The following NUBPL variants were observed in gnomAD, a reference collection of about 807,000 sequenced individuals.
The protein encoded by NUBPL is iron-sulfur cluster transfer protein NUBPL.
Under a neutral mutation model 45.7 loss-of-function variants are expected in NUBPL, and 31 were observed. The observed-to-expected ratio is 0.68, with a 90% CI of 0.51 to 0.92. The LOEUF is 0.92. Among genes scored for constraint, NUBPL ranks in the 40% least tolerant of loss-of-function variants. The pLI, the probability that NUBPL is intolerant of heterozygous loss-of-function variation, is 0.00. For synonymous variants in NUBPL, 144 were observed against 140.9 expected, an observed-to-expected ratio of 1.02 and a Z score of -0.15; for missense variants, 401 against 398.7, an observed-to-expected ratio of 1.01 and a Z score of -0.05.
In NUBPL at chr14:31,859,063, T is replaced by C; in HGVS notation, c.898-55T>C. 2.0e-6 allele frequency: 3 copies of C among 1,476,892 alleles called. No individual in the cohort carries two copies. In the East Asian group the frequency reaches 6.9e-5, roughly 34 times the overall value. The allele number at this position is 1,476,892 out of a possible 1,614,324, so 91.5% of individuals were successfully genotyped here. ...GCCTCTATAACAAACAGTTGATGAG[T>C]CATTCAATGTCTGCTGAAGAGAAAT... is the stretch of plus-strand genomic sequence containing the variant. On this transcript the variant is annotated intron_variant, in intron 10 of 10. Coordinates refer to ENST00000281081, the MANE Select transcript of NUBPL (RefSeq NM_025152.3).
At chr14:31,781,632 A>G (rs1325614685) in intron 6 of NUBPL, among the ~76,000 whole-genome samples, 1 of 152,244 alleles carries the variant, frequency 6.6e-6, no homozygotes. Context: ...CACTCTTGTT[A>G]TTTTAACATA....
chr14:31,603,489 T>G (rs1209447647), intron 4 of NUBPL, among the ~76,000 whole-genome samples: 3 of 152,158 alleles, frequency 2.0e-5, no homozygotes, highest in Non-Finnish European at 4.4e-5. Context: ...AGAAAATGAC[T>G]ATATTTACTC....
chr14:31,704,450 G>A (rs1423755022), intron 6 of NUBPL, among the ~76,000 whole-genome samples: 3 of 152,128 alleles, frequency 2.0e-5, no homozygotes, highest in African/African-American at 7.2e-5. Context: ...GATCACCTGA[G>A]GTCGGGAGTT....
intron 4 of NUBPL, among the ~76,000 whole-genome samples, chr14:31,640,834 T>G (rs1481079565): frequency 6.6e-6 from 1 of 152,210 alleles, no homozygotes; most frequent in Non-Finnish European, 1.5e-5. Context: ...AATCCATTTC[T>G]TTATGCTAAT....
At chr14:31,566,476 C>T (rs993316657) in intron 3 of NUBPL, among the ~76,000 whole-genome samples, 9 of 151,940 alleles carry the variant, frequency 5.9e-5, no homozygotes, top group African/African-American at 2.2e-4. Context: ...TTTCAACTTG[C>T]TTCCTTTTAT....
intron 7 of NUBPL, among the ~76,000 whole-genome samples, chr14:31,802,020 T>A (rs536119854): frequency 1.3e-5 from 2 of 152,148 alleles, no homozygotes; most frequent in African/African-American, 4.8e-5. Context: ...CCCACAAAAG[T>A]TCATGTGTTA....
intron 8 of NUBPL, among the ~76,000 whole-genome samples, chr14:31,834,875 T>C (rs908744835): frequency 2.6e-5 from 4 of 152,238 alleles, no homozygotes; most frequent in African/African-American, 9.6e-5. Context: ...AGAGCCCGTA[T>C]TCTTAACTGC....
At chr14:31,791,584 C>G (rs2039383304) in intron 7 of NUBPL, among the ~76,000 whole-genome samples, 2 of 151,866 alleles carry the variant, frequency 1.3e-5, no homozygotes, top group Admixed American at 1.3e-4. Context: ...GGTTAAAAGC[C>G]CCAGCTCTAA....
rs575448723 is a variant in NUBPL, at chr14:31,846,496, G to A, written c.719G>A (p.Ser240Asn). ...GTCCTTGGCCTTGTCCAAAACATGAGTGTTTTCCAGTGTCCAAAATGTAAA... is the reference window on the plus strand; with the variant it reads ...GTCCTTGGCCTTGTCCAAAACATGAATGTTTTCCAGTGTCCAAAATGTAAA... Reference protein sequence around the residue: ...VPVLGLVQNMSVFQCPKCKHK... With the variant: ...VPVLGLVQNMNVFQCPKCKHK... Residue 240 changes from serine to asparagine, a missense_variant, in exon 9 of 11, where the codon AGT becomes AAT. Transcript: ENST00000281081. The A allele has an allele frequency of 1.2e-6, 2 of 1,612,804 alleles. No homozygotes were observed. The highest frequency in any genetic ancestry group is 2.2e-5 in the East Asian group (1 of 44,830).
At chr14:31,738,817 T>C (rs2139993984) in intron 6 of NUBPL, among the ~76,000 whole-genome samples, 1 of 152,312 alleles carries the variant, frequency 6.6e-6, no homozygotes, top group African/African-American at 2.4e-5. Context: ...TTTTAAAAAT[T>C]ACATTTTATT....
intron 6 of NUBPL, among the ~76,000 whole-genome samples, chr14:31,688,961 C>T (rs1424259811): frequency 2.6e-5 from 4 of 151,852 alleles, no homozygotes; most frequent in Non-Finnish European, 4.4e-5. Context: ...TAGTGGCCTA[C>T]AGCTCCATCC....
intron 6 of NUBPL, among the ~76,000 whole-genome samples, chr14:31,712,720 C>G (rs1161073251): frequency 6.6e-6 from 1 of 152,212 alleles, no homozygotes; most frequent in Non-Finnish European, 1.5e-5. Flanking sequence ...GGGGTTTGGT[C>G]TGGGTCCTGT....
At chr14:31,642,431 G>A (rs879629460) in intron 4 of NUBPL, among the ~76,000 whole-genome samples, 2 of 152,084 alleles carry the variant, frequency 1.3e-5, no homozygotes, top group Non-Finnish European at 2.9e-5. Flanking sequence ...GCTGTTTATT[G>A]AGGAGACTGT....
At chr14:31,742,372 A>T (rs1173018910) in intron 6 of NUBPL, among the ~76,000 whole-genome samples, 1 of 151,964 alleles carries the variant, frequency 6.6e-6, no homozygotes, top group African/African-American at 2.4e-5. Context: ...TGACTTTCAA[A>T]CTTGACTCTA....
intron 3 of NUBPL, among the ~76,000 whole-genome samples, chr14:31,589,264 T>C (rs1225873219): frequency 6.6e-6 from 1 of 152,124 alleles, no homozygotes. Context: ...TTGAACTTTA[T>C]TTTTAATTTG....
At chr14:31,644,076 G>T (rs1216226308) in intron 4 of NUBPL, among the ~76,000 whole-genome samples, 1 of 151,618 alleles carries the variant, frequency 6.6e-6, no homozygotes, top group African/African-American at 2.4e-5. Flanking sequence ...AATTTTGCTT[G>T]TCTTGTTTAA....
chr14:31,569,421 T>C (rs2033522437), intron 3 of NUBPL, among the ~76,000 whole-genome samples: 1 of 152,182 alleles, frequency 6.6e-6, no homozygotes, highest in Admixed American at 6.5e-5. Flanking sequence ...GGTCTGAAAC[T>C]CCTGACCTCA....
At chr14:31,798,410 G>A (rs941535020) in intron 7 of NUBPL, among the ~76,000 whole-genome samples, 2 of 150,844 alleles carry the variant, frequency 1.3e-5, no homozygotes, top group African/African-American at 4.9e-5. Context: ...GTGCATGTGG[G>A]CATTTGCTAT....
intron 8 of NUBPL, among the ~76,000 whole-genome samples, chr14:31,843,407 C>T (rs574058760): frequency 2.0e-5 from 3 of 152,294 alleles, no homozygotes; most frequent in Admixed American, 2.0e-4. Context: ...TTGTGTTTGT[C>T]TAAGAAAATA....
Sources: gnomAD v4.1 joint callset for allele counts (sites outside exome capture counted in the v4.1 genomes callset) on GRCh38, gnomAD v4.1.1 for gene constraint, MANE v1.5 for transcripts, NCBI Gene and HGNC (gene_info 2026-07-23, HGNC 2026-07-21) for gene names.